The following PLGRKT variants were observed in gnomAD, a reference collection of about 807,000 sequenced individuals.
PLGRKT encodes plasminogen receptor (KT).
In PLGRKT, 22 loss-of-function variants were observed where a neutral mutation model predicts 18.5. The observed-to-expected ratio is 1.19, with a 90% confidence interval of 0.85 to 1.70. The LOEUF (loss-of-function observed/expected upper bound fraction) is 1.70, where lower values mean the gene tolerates loss of function less well. PLGRKT is among the 40% of genes most tolerant of loss of function. The probability of loss-of-function intolerance (pLI) is 0.00; values close to 1 mark genes in which losing one functional copy is unlikely to be tolerated. For synonymous variants in PLGRKT, 72 were observed against 52.8 expected, an observed-to-expected ratio of 1.36 and a Z score of -1.58; for missense variants, 235 against 174.4, an observed-to-expected ratio of 1.35 and a Z score of -1.96.
chr9:5,420,746 T>C (rs888000153), intron 3 of PLGRKT, among the ~76,000 whole-genome samples: 3 of 152,228 alleles, frequency 2.0e-5, no homozygotes, highest in Admixed American at 6.5e-5. Flanking sequence ...TTCTGGTTCC[T>C]TGTCACCAAA....
At chr9:5,361,224 A>T (rs1406010406) in intron 4 of PLGRKT, 37 bp from the exon 5 acceptor site, 1 of 1,204,992 alleles carries the variant, frequency 8.3e-7, no homozygotes, top group Non-Finnish European at 1.2e-6. Context: ...AATATCAAAA[A>T]ATAACCTGTA....
At chr9:5,434,504 G>C (rs1818917845) in intron 2 of PLGRKT, among the ~76,000 whole-genome samples, 1 of 148,696 alleles carries the variant, frequency 6.7e-6, no homozygotes, top group Non-Finnish European at 1.5e-5. Flanking sequence ...TGGGAAGTGA[G>C]GGGCACCTCT....
chr9:5,429,523 TC>T (rs142139569), intron 3 of PLGRKT, among the ~76,000 whole-genome samples: 3,963 of 152,280 alleles, frequency 0.026, 144 homozygotes, highest in East Asian at 0.12. Flanking sequence ...AAGCATCTGT[TC>T]CAGGCCCCTT....
chr9:5,376,450 A>T (rs1200456330), intron 3 of PLGRKT, among the ~76,000 whole-genome samples: 1 of 152,182 alleles, frequency 6.6e-6, no homozygotes, highest in Non-Finnish European at 1.5e-5. Flanking sequence ...AATAATACTA[A>T]CTACCTCTGA....
In PLGRKT at chr9:5,418,730, C is replaced by T. The variant is rs761167017; in HGVS notation, c.81+13167G>A. The T allele has an allele frequency of 2.7e-5, 18 of 671,374 alleles. No homozygotes were observed. The highest frequency in any genetic ancestry group is 8.9e-5 in the African/African-American group (5 of 56,072). 41.6% of individuals were successfully genotyped at this position (671,374 alleles called of 1,614,324 possible). On this transcript the variant is annotated intron_variant, in intron 3 of 5. Transcript: ENST00000223864. This position sits in a 1 kb window ranked among gnomAD's most constrained non-coding sequence, Gnocchi z 4.2. ...ATGAAGACCGGCATGTGCTCCGAAG[C>T]GTGTGGAATGGTGATGACAGCCAGG...
At chr9:5,369,940 G>T (rs1220911828) in intron 3 of PLGRKT, among the ~76,000 whole-genome samples, 1 of 151,384 alleles carries the variant, frequency 6.6e-6, no homozygotes. Context: ...GCCTGTCATG[G>T]GGTAGGGGGA....
At chr9:5,424,613 T>A (rs1041202621) in intron 3 of PLGRKT, among the ~76,000 whole-genome samples, 3 of 120,240 alleles carry the variant, frequency 2.5e-5, no homozygotes, top group African/African-American at 9.7e-5. Context: ...ATATATTATT[T>A]ATTATATTAT....
chr9:5,435,486 C>A (rs570164353), intron 2 of PLGRKT, among the ~76,000 whole-genome samples: 106 of 152,278 alleles, frequency 7.0e-4, no homozygotes, highest in African/African-American at 2.4e-3. Flanking sequence ...CACTCTCATT[C>A]TCTCCAAGAT....
intron 3 of PLGRKT, among the ~76,000 whole-genome samples, chr9:5,428,627 A>C (rs1563791474): frequency 6.6e-6 from 1 of 152,202 alleles, no homozygotes; most frequent in Non-Finnish European, 1.5e-5. Flanking sequence ...GAGACAGCAT[A>C]ATCTCTTGAA....
intron 3 of PLGRKT, among the ~76,000 whole-genome samples, chr9:5,409,474 G>C (rs940895948): frequency 6.6e-5 from 10 of 152,178 alleles, no homozygotes; most frequent in African/African-American, 2.4e-4. Flanking sequence ...TTGCTCCTTA[G>C]CCTGCAGATG....
At chr9:5,411,122 G>A (rs1424579460) in intron 3 of PLGRKT, among the ~76,000 whole-genome samples, 6 of 152,030 alleles carry the variant, frequency 3.9e-5, no homozygotes, top group Non-Finnish European at 8.8e-5. Flanking sequence ...GGTGACTCAC[G>A]CCTGTAATCC....
chr9:5,366,108 A>G (rs1352742701), intron 3 of PLGRKT, among the ~76,000 whole-genome samples: 1 of 152,190 alleles, frequency 6.6e-6, no homozygotes. Flanking sequence ...TTAAATTCAT[A>G]GGTCTATATC....
intron 3 of PLGRKT, among the ~76,000 whole-genome samples, chr9:5,408,895 A>C (rs1279656508): frequency 2.0e-5 from 3 of 152,208 alleles, no homozygotes; most frequent in Non-Finnish European, 2.9e-5. Flanking sequence ...TCAGATACAG[A>C]TACAGCTCTG....
chr9:5,366,245 T>C (rs1817384202), intron 3 of PLGRKT, among the ~76,000 whole-genome samples: 1 of 152,190 alleles, frequency 6.6e-6, no homozygotes, highest in African/African-American at 2.4e-5. Flanking sequence ...ATGTGTACAT[T>C]CATTTTCAAC....
chr9:5,409,932 T>C (rs570472181), intron 3 of PLGRKT, among the ~76,000 whole-genome samples: 21 of 152,326 alleles, frequency 1.4e-4, no homozygotes, highest in African/African-American at 5.1e-4. Context: ...AGGCATGGCT[T>C]TTCAAATTCT....
Position 5,361,129 on chromosome 9 carries a change from G to A in PLGRKT, c.271C>T (p.Leu91Phe). Residue 91 changes from leucine (L) to phenylalanine (F), a missense_variant, in exon 5 of 6, where the codon CTC (leucine) becomes TTC (phenylalanine). Coordinates refer to ENST00000223864, the MANE Select transcript of PLGRKT (RefSeq NM_018465.4). ...LVPIVPLSFI[L>F]TYQYDLGYGT... Reference sequence around the variant, plus strand: ...TAGCCCAAGTCATACTGGTAGGTGAGGATAAAGCTTAATGGAACAATCGGG... The same window carrying A: ...TAGCCCAAGTCATACTGGTAGGTGAAGATAAAGCTTAATGGAACAATCGGG... 1 of 1,610,560 alleles carries A rather than the reference G, an allele frequency of 6.2e-7. No homozygotes were observed. The highest frequency in any genetic ancestry group is 1.3e-5 in the African/African-American group (1 of 74,868).
Position 5,431,907 on chromosome 9 carries a change from G to T in PLGRKT, c.71C>A (p.Ala24Asp). 5.4e-6 allele frequency: 8 copies of T among 1,480,196 alleles called. No homozygotes were observed. Among genetic ancestry groups the T allele is most frequent in the Non-Finnish European group, 7.5e-6 (8 of 1,059,634 alleles). 91.7% of individuals were successfully genotyped at this position (1,480,196 alleles called of 1,614,324 possible). A position where few individuals can be genotyped will look rare whatever the true frequency, so the allele number is the denominator to read the frequency against. The change falls in exon 3 of 6, where the codon GCT becomes GAT. Residue 24 changes from alanine (A) to aspartate (D), a missense_variant. Ala to Asp is a moderately radical substitution (Grantham distance 126). Transcript: ENST00000223864. ...TATTTTAAAACATACCTGAAGTCGA[G>T]CATTCATAAGCATGAACTCCTTTTG... ...KNQKEFMLMN[A>D]RLQLERQLIM...
At chr9:5,400,014 A>G (rs919372317) in intron 3 of PLGRKT, among the ~76,000 whole-genome samples, 3 of 151,762 alleles carry the variant, frequency 2.0e-5, no homozygotes, top group Non-Finnish European at 4.4e-5. Flanking sequence ...AAATAAATAA[A>G]TAAATAAAGT....
At chr9:5,428,386 G>A (rs971341733) in intron 3 of PLGRKT, among the ~76,000 whole-genome samples, 3 of 152,138 alleles carry the variant, frequency 2.0e-5, no homozygotes, top group South Asian at 2.1e-4. Context: ...GACTGGACAC[G>A]AGTGCCAAAG....
Sources: gnomAD v4.1 joint callset for allele counts (sites outside exome capture counted in the v4.1 genomes callset) on GRCh38, gnomAD v4.1.1 for gene constraint, Gnocchi (gnomAD v3.1) non-coding constraint, MANE v1.5 for transcripts, NCBI Gene and HGNC (gene_info 2026-07-23, HGNC 2026-07-21) for gene names.